ASCC3: variants seen among roughly 807,000 people sequenced by gnomAD.
ASCC3 encodes the protein ASC-1 complex subunit P200.
A neutral mutation model predicts 256.3 loss-of-function variants in ASCC3; 158 were observed. The ratio of observed to expected loss-of-function variants is 0.62; its 90% CI spans 0.54 to 0.70. The LOEUF (loss-of-function observed/expected upper bound fraction) is 0.70. Among genes scored for constraint, ASCC3 ranks in the 30% least tolerant of loss-of-function variants. The pLI is 0.00. For synonymous variants in ASCC3, 948 were observed against 883.4 expected (o/e 1.07, Z -1.30); for missense variants, 2,259 against 2,626.0 (o/e 0.86, Z 3.05).
intron 8 of ASCC3, among the ~76,000 whole-genome samples, chr6:100,785,374 T>C (rs79288950): frequency 0.013 from 2,035 of 152,250 alleles, 20 homozygotes; most frequent in East Asian, 0.045. Flanking sequence ...CTTAACTGAA[T>C]GCATTTACAC....
chr6:100,800,203 A>T lies in ASCC3; in HGVS notation c.1127+97T>A. 5 of 1,341,808 alleles carry T rather than the reference A, an allele frequency of 3.7e-6. 1 individual carries two copies. In the South Asian group the frequency reaches 6.3e-5, roughly 17 times the overall value. 83.1% of individuals were successfully genotyped at this position (1,341,808 alleles called of 1,614,324 possible). A position where few individuals can be genotyped will look rare whatever the true frequency, so the allele number is the denominator to read the frequency against. ...TGAAGAAAACGTGACTTGAAGTAAA[A>T]ATCATCTATACTGCTAAGACTAAAC... On this transcript the variant is annotated intron_variant, in intron 6 of 41. Coordinates refer to ENST00000369162, the MANE Select transcript of ASCC3 (RefSeq NM_006828.4).
At chr6:100,794,422 G>A (rs1224005745) in intron 8 of ASCC3, among the ~76,000 whole-genome samples, 4 of 152,020 alleles carry the variant, frequency 2.6e-5, no homozygotes, top group Non-Finnish European at 5.9e-5. Context: ...ACCACCACCT[G>A]CTTTGTCTAT....
chr6:100,658,303 T>C (rs1477771215), intron 16 of ASCC3, among the ~76,000 whole-genome samples: 3 of 151,540 alleles, frequency 2.0e-5, no homozygotes, highest in African/African-American at 4.8e-5. Context: ...TTTGGTAATT[T>C]AGAAATAAGA....
intron 13 of ASCC3, among the ~76,000 whole-genome samples, chr6:100,708,394 G>A (rs1450835680): frequency 6.6e-6 from 1 of 151,972 alleles, no homozygotes; most frequent in African/African-American, 2.4e-5. Flanking sequence ...TTTATATCTT[G>A]GTTCTTTCTT....
chr6:100,722,466 A>G (rs1172697056), intron 11 of ASCC3, among the ~76,000 whole-genome samples: 1 of 151,802 alleles, frequency 6.6e-6, no homozygotes, highest in Non-Finnish European at 1.5e-5. Context: ...ATTGAAAAAG[A>G]AAGAAAAGAA....
rs573155858 is a variant in ASCC3 at position 100,756,119 on chromosome 6, A to C, written c.1737+10446T>G. Among the ~76,000 whole-genome samples, 6 of 152,130 alleles carry C rather than the reference A, an allele frequency of 3.9e-5. No individual in the cohort carries two copies. In the South Asian group the frequency reaches 1.2e-3, roughly 32 times the overall value. On this transcript the variant is annotated intron_variant, in intron 10 of 41. Coordinates refer to ENST00000369162, the MANE Select transcript of ASCC3 (RefSeq NM_006828.4). ...GGTCTGGAACTGCTATTAAACAAAA[A>C]ACCACTAGTGATTTAAAATTGGTTT...
chr6:100,829,017 A>G (rs1367589360), intron 4 of ASCC3, among the ~76,000 whole-genome samples: 1 of 152,108 alleles, frequency 6.6e-6, no homozygotes, highest in African/African-American at 2.4e-5. Context: ...CCACGACTAG[A>G]TTAGCTAGAT....
chr6:100,750,822 T>C (rs1780903053), intron 10 of ASCC3, among the ~76,000 whole-genome samples: 1 of 151,994 alleles, frequency 6.6e-6, no homozygotes, highest in Non-Finnish European at 1.5e-5. Flanking sequence ...AGGTAAAACC[T>C]GTACTAATGC....
At chr6:100,651,471 C>A in intron 19 of ASCC3, 89 bp downstream of exon 19, 1 of 572,504 alleles carries the variant, frequency 1.7e-6, no homozygotes. Flanking sequence ...ATGTGCCATA[C>A]AGCTTATATG....
At chr6:100,577,708 T>C (rs1039843471) in intron 36 of ASCC3, among the ~76,000 whole-genome samples, 1 of 151,794 alleles carries the variant, frequency 6.6e-6, no homozygotes, top group African/African-American at 2.4e-5. Context: ...TGCCCATAAT[T>C]TATCTGTGTG....
At chr6:100,555,997 A>G (rs1235097254) in intron 36 of ASCC3, among the ~76,000 whole-genome samples, 1 of 152,202 alleles carries the variant, frequency 6.6e-6, no homozygotes, top group Non-Finnish European at 1.5e-5. Context: ...CCACATCTCA[A>G]AAACAAACAA....
chr6:100,645,674 G>A (rs1341128391), intron 22 of ASCC3, among the ~76,000 whole-genome samples: 2 of 151,794 alleles, frequency 1.3e-5, no homozygotes, highest in African/African-American at 4.8e-5. Context: ...CATAGTAACT[G>A]GTACAAAAAT....
intron 36 of ASCC3, among the ~76,000 whole-genome samples, chr6:100,586,774 T>G (rs1450094756): frequency 2.0e-5 from 3 of 152,198 alleles, no homozygotes; most frequent in Non-Finnish European, 4.4e-5. Context: ...ACCTAATTTC[T>G]ATACGTTATT....
intron 36 of ASCC3, among the ~76,000 whole-genome samples, chr6:100,567,868 GT>G (rs1320394695): frequency 2.0e-5 from 3 of 152,176 alleles, no homozygotes; most frequent in Non-Finnish European, 4.4e-5. Context: ...GTGAGTGCAT[GT>G]GTCTTTTTGG....
At chr6:100,768,691 G>A (rs1291918946) in intron 8 of ASCC3, among the ~76,000 whole-genome samples, 2 of 152,016 alleles carry the variant, frequency 1.3e-5, no homozygotes, top group Non-Finnish European at 2.9e-5. Context: ...AATCAGCAAG[G>A]CTACCATAGA....
chr6:100,740,581 G>T (rs899422264), intron 10 of ASCC3, among the ~76,000 whole-genome samples: 2 of 152,150 alleles, frequency 1.3e-5, no homozygotes, highest in African/African-American at 4.8e-5. Flanking sequence ...CTCTCTGTAG[G>T]TCTCTAACAA....
chr6:100,726,471 G>A (rs1258794965), intron 10 of ASCC3, among the ~76,000 whole-genome samples: 1 of 151,876 alleles, frequency 6.6e-6, no homozygotes, highest in Non-Finnish European at 1.5e-5. Context: ...AAAATTTTCA[G>A]ATATCAGAAA....
At chr6:100,689,615 A>C (rs923294608) in intron 13 of ASCC3, among the ~76,000 whole-genome samples, 9 of 152,240 alleles carry the variant, frequency 5.9e-5, no homozygotes, top group African/African-American at 2.2e-4. Context: ...CAGTTTTCAC[A>C]AAGACCACAT....
At chr6:100,788,142 C>G (rs1007672240) in intron 8 of ASCC3, among the ~76,000 whole-genome samples, 2 of 151,750 alleles carry the variant, frequency 1.3e-5, no homozygotes, top group Non-Finnish European at 2.9e-5. Context: ...ACAAATTACT[C>G]AATTAAAAAC....
Sources: gnomAD v4.1 joint callset for allele counts (sites outside exome capture counted in the v4.1 genomes callset) on GRCh38, gnomAD v4.1.1 for gene constraint, MANE v1.5 for transcripts, NCBI Gene and HGNC (gene_info 2026-07-23, HGNC 2026-07-21) for gene names.